Variants in RET observed in about 807,000 individuals in gnomAD.
RET encodes the protein proto-oncogene tyrosine-protein kinase receptor Ret.
RET carries 19 observed loss-of-function variants against 118.3 expected under a neutral mutation model. The ratio of observed to expected loss-of-function variants is 0.16; its 90% CI spans 0.11 to 0.24. The LOEUF is 0.24. Ranked by LOEUF, RET falls within the 10% of genes least tolerant of loss-of-function variation. The pLI, the probability that RET is intolerant of heterozygous loss-of-function variation, is 1.00. For synonymous variants in RET, 597 were observed against 644.1 expected (o/e 0.93, Z 1.11); for missense variants, 1,219 against 1,502.1 (o/e 0.81, Z 3.12).
chr10:43,079,220 C>T (rs566847098), intron 1 of RET, among the ~76,000 whole-genome samples: 2 of 152,260 alleles, frequency 1.3e-5, no homozygotes, highest in East Asian at 3.9e-4. Context: ...CACACTCCTG[C>T]CCCTTCTCAC....
rs562423497 is a variant in RET at position 43,128,370 on chromosome 10, G to A, written c.*101G>A. 118 of 1,403,402 alleles carry A rather than the reference G, an allele frequency of 8.4e-5. 1 individual carries two copies. In the South Asian group the frequency reaches 1.0e-3, roughly 12 times the overall value. 86.9% of individuals were successfully genotyped at this position (1,403,402 alleles called of 1,614,324 possible). ...TTGTGAACGTCACATTGGCCGAGCC[G>A]TGTTCAGTTCCCAGGTGGCAGACTC... On this transcript the variant is annotated 3_prime_UTR_variant, in exon 20 of 20. Transcript: ENST00000355710.
chr10:43,086,834 G>C (rs1457729594), intron 1 of RET, among the ~76,000 whole-genome samples: 2 of 152,270 alleles, frequency 1.3e-5, no homozygotes, highest in African/African-American at 4.8e-5. Flanking sequence ...AAGTGTGGGT[G>C]GTGGCCATCG....
Position 43,104,968 on chromosome 10 carries a change from C to T in RET, c.642C>T (p.Phe214=), listed in dbSNP as rs1388262419. The T allele has an allele frequency of 6.4e-7, 1 of 1,570,392 alleles. No homozygotes were observed. The highest frequency in any genetic ancestry group is 8.6e-7 in the Non-Finnish European group (1 of 1,166,286). ...GGTGCGCAGGTGAGGGTCTGCCCTTCCGCTGCGCCCCGGACAGCCTGGAGG... is the reference window on the plus strand; with the variant it reads ...GGTGCGCAGGTGAGGGTCTGCCCTTTCGCTGCGCCCCGGACAGCCTGGAGG... The part of the protein sequence containing the change: ...YRLLEGEGLP[F]RCAPDSLEVS... The change falls in exon 4 of 20, where the codon TTC becomes TTT. Residue 214 remains phenylalanine (F), a synonymous_variant. Coordinates refer to ENST00000355710, the MANE Select transcript of RET (RefSeq NM_020975.6).
chr10:43,104,733 C>A, intron 3 of RET: 1 of 692,688 alleles, frequency 1.4e-6, no homozygotes, highest in Non-Finnish European at 2.4e-6. Context: ...GACGTAAGCA[C>A]AGTCATCGCT....
chr10:43,100,647 A>C lies in RET; in HGVS notation c.262A>C (p.Ile88Leu), dbSNP rs141679950. ...TRLHENNWIC[I>L]QEDTGLLYLN... ...GCTGCATGAGAACAACTGGATCTGC[A>C]TCCAGGAGGACACCGGCCTCCTCTA... Residue 88 changes from isoleucine (I) to leucine (L), a missense_variant, in exon 2 of 20, where the codon ATC (isoleucine) becomes CTC (leucine). Physicochemically the swap from Ile to Leu is conservative, Grantham distance 5. Transcript: ENST00000355710. 6.2e-7 allele frequency: 1 copy of C among 1,613,214 alleles called. No individual in the cohort carries two copies. Among genetic ancestry groups the C allele is most frequent in the Non-Finnish European group, 8.5e-7 (1 of 1,179,788 alleles).
chr10:43,094,964 G>A lies in RET; in HGVS notation c.74-5495G>A, dbSNP rs376841656. Among the ~76,000 whole-genome samples, 12 of 152,188 alleles carry A rather than the reference G, an allele frequency of 7.9e-5. No homozygotes were observed. In the East Asian group the frequency reaches 1.3e-3, roughly 17 times the overall value. ...GAGTCTGACCAGGAGACAGCCCCAC[G>A]TGGTCCCTGAGACAGGAGCAGTAAC... On this transcript the variant is annotated intron_variant, in intron 1 of 19. Coordinates refer to ENST00000355710, the MANE Select transcript of RET (RefSeq NM_020975.6).
At chr10:43,119,989 ACACACCACCCCTCTGCTGGT>A (rs1838174634) in intron 14 of RET, 72 bp from the exon 15 acceptor site, 5 of 1,575,484 alleles carry the variant, frequency 3.2e-6, no homozygotes, top group Non-Finnish European at 4.3e-6. Flanking sequence ...TACCCGGGCC[ACACACCACCCCTCTGCTGGT>A]CACACCAGGC....
In RET at chr10:43,109,064, A is replaced by G. The variant is rs760560422; in HGVS notation, c.1097A>G (p.Glu366Gly). ...LVLNRNLSIS[E>G]NRTMQLAVLV... Reference sequence around the variant, plus strand: ...CTCAACCGGAACCTCTCCATCTCGGAGAACCGCACCATGCAGCTGGCGGTG... The same window carrying G: ...CTCAACCGGAACCTCTCCATCTCGGGGAACCGCACCATGCAGCTGGCGGTG... Residue 366 changes from glutamate to glycine, a missense_variant, in exon 6 of 20, where the codon GAG becomes GGG. By Grantham distance (98) the Glu-to-Gly change is moderately conservative. Around this residue, in one of 5 missense-constraint regions of RET, gnomAD observed 850 missense variants for 969.6 expected, o/e 0.88. Coordinates refer to ENST00000355710, the MANE Select transcript of RET (RefSeq NM_020975.6). 1.2e-6 allele frequency: 2 copies of G among 1,613,668 alleles called. No homozygotes were observed. The highest frequency in any genetic ancestry group is 2.2e-5 in the South Asian group (2 of 91,084).
chr10:43,086,590 G>A (rs1837293393), intron 1 of RET, among the ~76,000 whole-genome samples: 2 of 152,246 alleles, frequency 1.3e-5, no homozygotes, highest in African/African-American at 4.8e-5. Flanking sequence ...GCAGCCAAGG[G>A]GGCCAGTGAC....
At chr10:43,082,162 G>C (rs145018783) in intron 1 of RET, among the ~76,000 whole-genome samples, 286 of 152,302 alleles carry the variant, frequency 1.9e-3, no homozygotes, top group Non-Finnish European at 3.2e-3. Flanking sequence ...CTGCAGGCAG[G>C]GCAGGGCTGG....
intron 3 of RET, among the ~76,000 whole-genome samples, chr10:43,104,390 G>A (rs577291879): frequency 2.2e-4 from 34 of 152,056 alleles, no homozygotes; most frequent in Admixed American, 6.5e-4. Flanking sequence ...GGTGGCGGGC[G>A]CCTGTAGTCC....
Position 43,077,305 on chromosome 10 carries a change from T to A in RET, c.47T>A (p.Leu16Gln), listed in dbSNP as rs1564480893. The change falls in exon 1 of 20, where the codon CTG (leucine) becomes CAG (glutamine). Residue 16 changes from leucine to glutamine, a missense_variant. By Grantham distance (113) the Leu-to-Gln change is moderately radical. Coordinates refer to ENST00000355710, the MANE Select transcript of RET (RefSeq NM_020975.6). ...GCCGCGGGGCTGCGTCTGCTGTTGC[T>A]GCTGCTGCTGCCGCTGCTAGGCAAA... ...SGAAGLRLLL[L>Q]LLLPLLGKVA... The A allele has an allele frequency of 2.2e-5, 33 of 1,511,794 alleles. No individual in the cohort carries two copies. Among genetic ancestry groups the A allele is most frequent in the Non-Finnish European group, 2.9e-5 (33 of 1,135,552 alleles). The allele number at this position is 1,511,794 out of a possible 1,614,324, so 93.6% of individuals were successfully genotyped here. A position where few individuals can be genotyped will look rare whatever the true frequency, so the allele number is the denominator to read the frequency against.
At chr10:43,090,594 A>C (rs1837390379) in intron 1 of RET, among the ~76,000 whole-genome samples, 2 of 152,232 alleles carry the variant, frequency 1.3e-5, no homozygotes. Flanking sequence ...GGCCCCTCCC[A>C]CATCCAAAAG....
chr10:43,111,552 C>A (rs2132780489), intron 7 of RET, 87 bp downstream of exon 7: 1 of 1,446,144 alleles, frequency 6.9e-7, no homozygotes, highest in Non-Finnish European at 9.3e-7. Flanking sequence ...AGCAGTACAG[C>A]TGCAAGGCTT....
At position 43,099,547 on chromosome 10, in the gene RET, A is replaced by ATAC. The variant is rs1564489015; in HGVS notation, c.74-912_74-911insTAC. Reference sequence around the variant, plus strand: ...AAATAAATAAATAAATAAATAAATAAATAAATAAATAAAAATTACATAGAT... The same window carrying ATAC: ...AAATAAATAAATAAATAAATAAATAATACATAAATAAATAAAAATTACATAGAT... On this transcript the variant is annotated intron_variant, in intron 1 of 19. Transcript: ENST00000355710. Among the ~76,000 whole-genome samples, 6 of 151,734 alleles carry ATAC rather than the reference A, an allele frequency of 4.0e-5. No individual in the cohort carries two copies. The East Asian group carries it at 9.6e-4, about 24-fold the overall frequency.
intron 1 of RET, among the ~76,000 whole-genome samples, chr10:43,083,192 G>A (rs1012387518): frequency 1.1e-3 from 160 of 152,186 alleles, no homozygotes; most frequent in Non-Finnish European, 1.9e-4. Context: ...ACCCAGCACC[G>A]GTGGGCAGCC....
chr10:43,126,515 A>C (rs1171750661), intron 18 of RET, 60 bp from the exon 19 acceptor site: 1 of 1,442,510 alleles, frequency 6.9e-7, no homozygotes, highest in Non-Finnish European at 9.7e-7. Flanking sequence ...CTTGTTGTAT[A>C]CTGAGTTGTA....
intron 15 of RET, 125 bp downstream of exon 15, chr10:43,120,328 C>T (rs1048457067): frequency 7.4e-7 from 1 of 1,348,826 alleles, no homozygotes. Flanking sequence ...TTTTATAGCC[C>T]TCACCCCAAA....
chr10:43,078,132 A>G (rs1225180909), intron 1 of RET, among the ~76,000 whole-genome samples: 11 of 152,212 alleles, frequency 7.2e-5, no homozygotes, highest in African/African-American at 2.7e-4. Flanking sequence ...TGGCCTTGCA[A>G]AGATGGTCAT....
Sources: gnomAD v4.1 joint callset for allele counts (sites outside exome capture counted in the v4.1 genomes callset) on GRCh38, gnomAD v4.1.1 for gene constraint, gnomAD v4.1.1 regional missense constraint, MANE v1.5 for transcripts, NCBI Gene and HGNC (gene_info 2026-07-23, HGNC 2026-07-21) for gene names.